Variants in EYA4 observed in about 807,000 individuals in gnomAD.
EYA4 encodes the protein EYA transcriptional coactivator and phosphatase 4, also known as protein phosphatase EYA4.
Under a neutral mutation model 87.9 loss-of-function variants are expected in EYA4, and 31 were observed. The ratio of observed to expected loss-of-function variants is 0.35; its 90% confidence interval spans 0.27 to 0.48. The LOEUF (loss-of-function observed/expected upper bound fraction) is 0.48. EYA4 is among the 20% of genes least tolerant of loss of function. The pLI, the probability that EYA4 is intolerant of heterozygous loss-of-function variation, is 0.99. For missense variants in EYA4, 678 were observed against 761.4 expected (o/e 0.89, Z 1.29); for synonymous variants, 263 against 270.6 (o/e 0.97, Z 0.28).
chr6:133,475,741 A>G (rs1311577302), intron 11 of EYA4, among the ~76,000 whole-genome samples: 2 of 152,154 alleles, frequency 1.3e-5, no homozygotes, highest in East Asian at 3.9e-4. Flanking sequence ...ACTGGAATTA[A>G]CAGCTTTCTT....
intron 3 of EYA4, among the ~76,000 whole-genome samples, chr6:133,396,932 G>A (rs1185256291): frequency 6.6e-6 from 1 of 152,134 alleles, no homozygotes; most frequent in Non-Finnish European, 1.5e-5. Context: ...ACACTCTCCT[G>A]GCTACCCAAG....
At position 133,382,417 on chromosome 6, in the gene EYA4, A is replaced by G. The variant is rs779385322; in HGVS notation, c.59A>G (p.Asp20Gly). The G allele has an allele frequency of 1.1e-5, 18 of 1,611,142 alleles. No homozygotes were observed. Among genetic ancestry groups the G allele is most frequent in the Non-Finnish European group, 1.3e-5 (15 of 1,177,482 alleles). The change falls in exon 3 of 20, where the codon GAT (aspartate) becomes GGT (glycine). Residue 20 changes from aspartate to glycine, a missense_variant. Physicochemically the swap from Asp to Gly is moderately conservative, Grantham distance 94. Transcript: ENST00000355286. ...GTAAAGAAAACGTGCACAGAATCAG[A>G]TGTTTCACAATCTCAGAATTCCAGG... ...QSVKKTCTES[D>G]VSQSQNSRSM...
chr6:133,529,107 T>C lies in EYA4; in HGVS notation c.*302T>C, dbSNP rs1381406551. 2 of 1,185,506 alleles carry C rather than the reference T, an allele frequency of 1.7e-6. No homozygotes were observed. Among genetic ancestry groups the C allele is most frequent in the Non-Finnish European group, 2.1e-6 (2 of 947,768 alleles). The allele number at this position is 1,185,506 out of a possible 1,614,324, so 73.4% of individuals were successfully genotyped here. A position where few individuals can be genotyped will look rare whatever the true frequency, so the allele number is the denominator to read the frequency against. ...ATGAGCAGCTTTAGCAAAGAACTCT[T>C]ACCCTGGCAAAGCAGCAACACACAT... On this transcript the variant is annotated 3_prime_UTR_variant, in exon 20 of 20. Transcript: ENST00000355286.
At chr6:133,334,341 A>T (rs1481460763) in intron 2 of EYA4, among the ~76,000 whole-genome samples, 3 of 152,258 alleles carry the variant, frequency 2.0e-5, no homozygotes, top group African/African-American at 7.2e-5. Flanking sequence ...AGAGAGTCAA[A>T]CCACTAGTGT....
chr6:133,483,606 A>G (rs963366830), intron 13 of EYA4, among the ~76,000 whole-genome samples: 4 of 151,754 alleles, frequency 2.6e-5, no homozygotes, highest in African/African-American at 9.7e-5. Flanking sequence ...ACCCCCTCCC[A>G]TACACAAAGT....
intron 3 of EYA4, among the ~76,000 whole-genome samples, chr6:133,419,454 A>G (rs1312287405): frequency 6.6e-6 from 1 of 152,144 alleles, no homozygotes; most frequent in Non-Finnish European, 1.5e-5. Context: ...AGCCTTTATG[A>G]TATGTCTTCC....
chr6:133,265,413 C>T (rs773910875), intron 1 of EYA4, among the ~76,000 whole-genome samples: 12 of 152,046 alleles, frequency 7.9e-5, no homozygotes, highest in Non-Finnish European at 1.5e-4. Flanking sequence ...CATAAAACAG[C>T]ATGCAGTTAC....
At chr6:133,490,682 A>G (rs190112595) in intron 13 of EYA4, among the ~76,000 whole-genome samples, 25 of 152,316 alleles carry the variant, frequency 1.6e-4, no homozygotes, top group Admixed American at 6.5e-4. Context: ...TATGCACTCA[A>G]TACTGGAGCA....
chr6:133,523,491 T>G (rs1054913669), intron 18 of EYA4, among the ~76,000 whole-genome samples: 3 of 152,220 alleles, frequency 2.0e-5, no homozygotes, highest in Non-Finnish European at 4.4e-5. Flanking sequence ...CTTATAATGT[T>G]GCATCCTTGC....
chr6:133,322,824 A>G (rs1781197619), intron 2 of EYA4, among the ~76,000 whole-genome samples: 1 of 152,184 alleles, frequency 6.6e-6, no homozygotes, highest in African/African-American at 2.4e-5. Context: ...AATTTGAATT[A>G]CCTCTAGTAA....
At chr6:133,278,365 G>C (rs1020124360) in intron 2 of EYA4, among the ~76,000 whole-genome samples, 6 of 152,016 alleles carry the variant, frequency 3.9e-5, no homozygotes, top group Admixed American at 1.3e-4. Flanking sequence ...TTTACCTCTA[G>C]CCCAGCACTT....
At chr6:133,393,289 C>T (rs159418) in intron 3 of EYA4, among the ~76,000 whole-genome samples, 95,024 of 151,844 alleles carry the variant, frequency 0.63, 32,422 homozygotes, top group Non-Finnish European at 0.75. Context: ...CTTATTCTCC[C>T]CCTTAAAGGT....
At chr6:133,405,156 A>C (rs1247917590) in intron 3 of EYA4, among the ~76,000 whole-genome samples, 5 of 152,072 alleles carry the variant, frequency 3.3e-5, no homozygotes, top group African/African-American at 1.2e-4. Flanking sequence ...CTGTGCTAGA[A>C]TATTGTTTTA....
At chr6:133,373,182 G>T (rs1300667550) in intron 2 of EYA4, among the ~76,000 whole-genome samples, 1 of 151,952 alleles carries the variant, frequency 6.6e-6, no homozygotes, top group Non-Finnish European at 1.5e-5. Flanking sequence ...AACTATGCCT[G>T]TGGCCAAATT....
At chr6:133,440,903 T>C (rs1030484793) in intron 3 of EYA4, among the ~76,000 whole-genome samples, 21 of 152,208 alleles carry the variant, frequency 1.4e-4, no homozygotes, top group African/African-American at 5.1e-4. Flanking sequence ...TATAACTTTA[T>C]TTTTGTTCCC....
chr6:133,394,742 T>C (rs191116211), intron 3 of EYA4, among the ~76,000 whole-genome samples: 2 of 152,336 alleles, frequency 1.3e-5, no homozygotes, highest in Non-Finnish European at 1.5e-5. Flanking sequence ...TGACTGCTCT[T>C]ATTACAAGTA....
intron 11 of EYA4, among the ~76,000 whole-genome samples, chr6:133,476,544 G>A (rs1795750779): frequency 6.6e-6 from 1 of 152,140 alleles, no homozygotes; most frequent in South Asian, 2.1e-4. Flanking sequence ...TTAACATAAT[G>A]TTCTCTAAGT....
intron 3 of EYA4, among the ~76,000 whole-genome samples, chr6:133,405,897 A>G (rs1788660290): frequency 6.6e-6 from 1 of 152,068 alleles, no homozygotes; most frequent in African/African-American, 2.4e-5. Context: ...CTGGGAGAAG[A>G]GTCCCAGGAA....
At chr6:133,455,389 C>T (rs1356858791) in intron 5 of EYA4, among the ~76,000 whole-genome samples, 1 of 152,018 alleles carries the variant, frequency 6.6e-6, no homozygotes, top group Non-Finnish European at 1.5e-5. Context: ...TACATTTCTC[C>T]TCTGAATCTT....
Sources: allele counts gnomAD v4.1 joint callset (sites outside exome capture counted in the v4.1 genomes callset), GRCh38; gene constraint gnomAD v4.1.1; transcripts MANE v1.5; gene names NCBI Gene and HGNC (gene_info 2026-07-23, HGNC 2026-07-21).